The following MTA1 variants were observed in gnomAD, a reference collection of about 807,000 sequenced individuals.
MTA1 encodes metastasis-associated protein MTA1.
A neutral mutation model predicts 97.0 loss-of-function variants in MTA1; 15 were observed. The observed-to-expected ratio is 0.15, with a 90% CI of 0.10 to 0.24. MTA1 has a LOEUF of 0.24. MTA1 is among the 10% of genes least tolerant of loss of function. The pLI is 1.00. For synonymous variants in MTA1, 435 were observed against 417.5 expected (o/e 1.04, Z -0.51); for missense variants, 709 against 1,015.1 (o/e 0.70, Z 4.10).
chr14:105,419,915 A>C lies in MTA1; in HGVS notation c.-121A>C. On this transcript the variant is annotated 5_prime_UTR_variant, in exon 1 of 21. Transcript: ENST00000331320. ...CGGCGGCGGCGGCGGCGGCGGCAGC[A>C]GCGCGGCCCCTTTAAACGCCTGCGG... 1 of 248,778 alleles carries C rather than the reference A, an allele frequency of 4.0e-6. No homozygotes were observed. Among genetic ancestry groups the C allele is most frequent in the Non-Finnish European group, 6.2e-6 (1 of 161,922 alleles). 15.4% of individuals were successfully genotyped at this position (248,778 alleles called of 1,614,324 possible).
rs587765428 is a variant in MTA1 at position 105,469,452 on chromosome 14, T to C, written c.1814-15T>C. The stretch of plus-strand genomic sequence containing the variant: ...CTCTCTCGGGGCCTCATTTCTCTCC[T>C]CCATTTCTCATCAGGTCTGGCAAAC... On this transcript the variant is annotated splice_polypyrimidine_tract_variant and intron_variant, in intron 18 of 20. Coordinates refer to ENST00000331320, the MANE Select transcript of MTA1 (RefSeq NM_004689.4). 1.2e-6 allele frequency: 2 copies of C among 1,612,760 alleles called. No individual in the cohort carries two copies. The highest frequency in any genetic ancestry group is 2.7e-5 in the African/African-American group (2 of 75,012).
At chr14:105,428,661 C>A (rs1175195778) in intron 1 of MTA1, among the ~76,000 whole-genome samples, 1 of 152,122 alleles carries the variant, frequency 6.6e-6, no homozygotes, top group Non-Finnish European at 1.5e-5. Context: ...TTGGCTTTCC[C>A]TTACAGAGTT....
rs781803214 is a variant in MTA1 at position 105,470,078 on chromosome 14, C to A, written c.2011C>A (p.Leu671Met). ...ATEETRKIRK[L>M]LSSSETKRAA... ...CTCTGCCCACAGGAAGATCCGCAAG[C>A]TGCTCTCATCCTCGGAAACCAAGCG... The change falls in exon 21 of 21, where the codon CTG (leucine) becomes ATG (methionine). Residue 671 changes from leucine (L) to methionine (M), a missense_variant. Leu to Met is a conservative substitution (Grantham distance 15, BLOSUM62 2). Coordinates refer to ENST00000331320, the MANE Select transcript of MTA1 (RefSeq NM_004689.4). The A allele has an allele frequency of 3.1e-6, 5 of 1,612,642 alleles. No individual in the cohort carries two copies. In the East Asian group the frequency reaches 1.1e-4, roughly 36 times the overall value.
chr14:105,432,831 AT>A (rs2082215533), intron 1 of MTA1, among the ~76,000 whole-genome samples: 1 of 152,198 alleles, frequency 6.6e-6, no homozygotes, highest in Admixed American at 6.5e-5. Context: ...TGCCACACAG[AT>A]TTGCAGTGAG....
rs587731430 is a variant in MTA1 at position 105,441,483 on chromosome 14, C to T, written c.96+2744C>T. On this transcript the variant is annotated intron_variant, in intron 2 of 20. Transcript: ENST00000331320. ...GCGGGGGGGCTTTTAACAGGAAGGT[C>T]AGCCAGCACATGTAAAAATTGAACT... Among the ~76,000 whole-genome samples, 232 of 152,330 alleles carry T rather than the reference C, an allele frequency of 1.5e-3. 1 individual carries two copies. The highest frequency in any genetic ancestry group is 5.2e-3 in the South Asian group (25 of 4,832).
chr14:105,466,814 C>T (rs2083611433), intron 18 of MTA1, 72 bp downstream of exon 18: 4 of 1,494,642 alleles, frequency 2.7e-6, no homozygotes, highest in Non-Finnish European at 3.6e-6. Flanking sequence ...TGCTCTGTGT[C>T]CCCGCGGCGG....
chr14:105,460,659 TG>T, intron 9 of MTA1, 105 bp from the exon 10 acceptor site: 1 of 1,321,296 alleles, frequency 7.6e-7, no homozygotes, highest in Non-Finnish European at 1.0e-6. Flanking sequence ...GTTGTGCTGC[TG>T]GGCCTGCAGT....
At chr14:105,437,681 T>C (rs1318278871) in intron 1 of MTA1, among the ~76,000 whole-genome samples, 14 of 152,212 alleles carry the variant, frequency 9.2e-5, no homozygotes, top group Non-Finnish European at 1.9e-4. Flanking sequence ...ATCCCAGGCC[T>C]GTGCGGGCCT....
chr14:105,455,876 G>A (rs1435671058), intron 7 of MTA1, among the ~76,000 whole-genome samples: 15 of 152,320 alleles, frequency 9.8e-5, no homozygotes, highest in South Asian at 6.2e-4. Flanking sequence ...GGAGGCCTCT[G>A]TGCTGAGGCC....
Position 105,463,975 on chromosome 14 carries a change from G to A in MTA1, c.1077-57G>A. On this transcript the variant is annotated intron_variant, in intron 12 of 20. Transcript: ENST00000331320. The surrounding 1 kb of genome is among the most constrained non-coding windows in gnomAD (Gnocchi z 5.9). ...CAGCCGCGGTGCCTGCTGGGCACAT[G>A]GGCCCTCGAGGTTTGTGCTCCTGCA... The A allele has an allele frequency of 6.4e-7, 1 of 1,558,710 alleles. No homozygotes were observed. The highest frequency in any genetic ancestry group is 8.8e-7 in the Non-Finnish European group (1 of 1,131,832).
At chr14:105,444,972 G>A (rs2082666515) in intron 2 of MTA1, among the ~76,000 whole-genome samples, 1 of 152,208 alleles carries the variant, frequency 6.6e-6, no homozygotes, top group Admixed American at 6.5e-5. Context: ...GCCAGGCCAG[G>A]TGGGAGGGCT....
chr14:105,441,620 C>T (rs1425539792), intron 2 of MTA1, among the ~76,000 whole-genome samples: 1 of 152,162 alleles, frequency 6.6e-6, no homozygotes, highest in African/African-American at 2.4e-5. Context: ...CGGTGAAACT[C>T]CGTCTCTACT....
rs1224822668 is a variant in MTA1, at chr14:105,419,948, C to G, written c.-88C>G. ...CCCTTTAAACGCCTGCGGCGCCCCCCGCCCCCGCCATCGCGCCTCCATTTT... is the reference window on the plus strand; with the variant it reads ...CCCTTTAAACGCCTGCGGCGCCCCCGGCCCCCGCCATCGCGCCTCCATTTT... On this transcript the variant is annotated 5_prime_UTR_variant, in exon 1 of 21. Coordinates refer to ENST00000331320, the MANE Select transcript of MTA1 (RefSeq NM_004689.4). The G allele has an allele frequency of 4.0e-6, 2 of 496,482 alleles. No individual in the cohort carries two copies. The highest frequency in any genetic ancestry group is 4.2e-5 in the African/African-American group (2 of 47,596). The allele number at this position is 496,482 out of a possible 1,614,324, so 30.8% of individuals were successfully genotyped here.
At chr14:105,447,243 C>T (rs2082747956) in intron 3 of MTA1, among the ~76,000 whole-genome samples, 1 of 152,160 alleles carries the variant, frequency 6.6e-6, no homozygotes, top group South Asian at 2.1e-4. Context: ...AGAAGCAGTG[C>T]CCAGGCTGAG....
Position 105,426,600 on chromosome 14 carries a change from G to T in MTA1, c.28+6537G>T, listed in dbSNP as rs587721056. 2.0e-5 allele frequency among the ~76,000 whole-genome samples: 3 copies of T among 152,306 alleles called. No individual in the cohort carries two copies. The East Asian group carries it at 5.8e-4, about 29-fold the overall frequency. ...CTGTCCCATTCCTCCAGGAGACACA[G>T]TGCCTGGGCCATCTGGCCACTTGCA... On this transcript the variant is annotated intron_variant, in intron 1 of 20. Coordinates refer to ENST00000331320, the MANE Select transcript of MTA1 (RefSeq NM_004689.4).
intron 17 of MTA1, 56 bp from the exon 18 acceptor site, chr14:105,466,651 C>T: frequency 6.3e-7 from 1 of 1,595,438 alleles, no homozygotes. Flanking sequence ...GCCCGGGCAC[C>T]CGCCGTGCGT....
chr14:105,468,946 C>T (rs914139923), intron 18 of MTA1: 3 of 320,020 alleles, frequency 9.4e-6, no homozygotes, highest in East Asian at 9.4e-5. Context: ...CTCTGGCACC[C>T]CATCCCCAAG....
intron 2 of MTA1, among the ~76,000 whole-genome samples, chr14:105,442,959 T>C (rs2082593268): frequency 1.3e-5 from 2 of 152,226 alleles, no homozygotes; most frequent in African/African-American, 4.8e-5. Flanking sequence ...GGAACCTGAA[T>C]GCGGAAGAGC....
Position 105,465,117 on chromosome 14 carries a change from TC to T in MTA1, c.1561del (p.Gln521ArgfsTer6). The T allele has an allele frequency of 6.6e-7, 1 of 1,521,994 alleles. No individual in the cohort carries two copies. The allele number at this position is 1,521,994 out of a possible 1,614,324, so 94.3% of individuals were successfully genotyped here. A position where few individuals can be genotyped will look rare whatever the true frequency, so the allele number is the denominator to read the frequency against. ...AGGCACGGCGCGGCTGCCCGAAGCC[TC>T]CCAGAGCCCGCTGGTGCTGAAGCAG... The part of the protein sequence containing the change: ...AECTARLPEA[S>X]QSPLVLKQAV... On this transcript the variant is annotated frameshift_variant, in exon 16 of 21. Transcript: ENST00000331320. LOFTEE classifies it high-confidence loss of function.
Sources: allele counts gnomAD v4.1 joint callset (sites outside exome capture counted in the v4.1 genomes callset), GRCh38; gene constraint gnomAD v4.1.1; non-coding constraint Gnocchi (gnomAD v3.1); transcripts MANE v1.5; gene names NCBI Gene and HGNC (gene_info 2026-07-23, HGNC 2026-07-21).